USP34: variants seen among roughly 807,000 people sequenced by gnomAD.
The protein encoded by USP34 is ubiquitin specific peptidase 34, also known as ubiquitin carboxyl-terminal hydrolase 34.
USP34 carries 70 observed loss-of-function variants against 460.3 expected under a neutral mutation model. That is an observed-to-expected ratio of 0.15 (90% CI 0.13 to 0.19). USP34 has a LOEUF of 0.19. Among genes scored for constraint, USP34 ranks in the 10% least tolerant of loss-of-function variants. The probability of loss-of-function intolerance (pLI) is 1.00; values close to 1 mark genes in which losing one functional copy is unlikely to be tolerated. For missense variants in USP34, 3,985 were observed against 4,236.2 expected (o/e 0.94, Z 1.65); for synonymous variants, 1,647 against 1,405.3 (o/e 1.17, Z -3.85).
At chr2:61,416,039 A>G (rs1430630994) in intron 2 of USP34, among the ~76,000 whole-genome samples, 1 of 152,218 alleles carries the variant, frequency 6.6e-6, no homozygotes, top group Non-Finnish European at 1.5e-5. Context: ...AGTGGGTCCA[A>G]TATCATTTCC....
chr2:61,447,245 A>G (rs1244430593), intron 1 of USP34, among the ~76,000 whole-genome samples: 7 of 131,474 alleles, frequency 5.3e-5, no homozygotes, highest in Middle Eastern at 4.0e-3. Flanking sequence ...ACAGAGTGAA[A>G]CTGTCTTCCA....
intron 2 of USP34, chr2:61,417,187 G>C: frequency 7.0e-6 from 11 of 1,573,244 alleles, no homozygotes; most frequent in African/African-American, 1.3e-5. Flanking sequence ...TCACATGCCT[G>C]TTTGGACCCT....
chr2:61,404,927 A>G (rs1406542625), intron 3 of USP34, among the ~76,000 whole-genome samples: 1 of 152,128 alleles, frequency 6.6e-6, no homozygotes, highest in Non-Finnish European at 1.5e-5. Flanking sequence ...TTAACTTACA[A>G]AAGAAAATAC....
At position 61,333,884 on chromosome 2, in the gene USP34, T is replaced by G. The variant is rs774000169; in HGVS notation, c.2832A>C (p.Thr944=). 1 of 1,523,612 alleles carries G rather than the reference T, an allele frequency of 6.6e-7. No homozygotes were observed. Among genetic ancestry groups the G allele is most frequent in the Non-Finnish European group, 8.8e-7 (1 of 1,135,016 alleles). The allele number at this position is 1,523,612 out of a possible 1,614,324, so 94.4% of individuals were successfully genotyped here. The change falls in exon 19 of 80, where the codon ACA becomes ACC. Residue 944 remains threonine (T), a splice_region_variant and synonymous_variant. Transcript: ENST00000398571. ...ACTTTTTTCTTTTATTTACTTACAT[T>G]GTTATCCAGTGTGTATCGTAACTGC... ...FGSSYDTHWI[T]MWAEKELNMM...
chr2:61,260,627 A>G (rs1248722276), intron 43 of USP34, among the ~76,000 whole-genome samples: 1 of 152,220 alleles, frequency 6.6e-6, no homozygotes, highest in Non-Finnish European at 1.5e-5. Context: ...TATAATTACT[A>G]TAAAATTATA....
At chr2:61,289,278 G>T (rs571162945) in intron 33 of USP34, among the ~76,000 whole-genome samples, 1 of 152,098 alleles carries the variant, frequency 6.6e-6, no homozygotes, top group African/African-American at 2.4e-5. Flanking sequence ...TATATGCTGT[G>T]TCTCCCAACG....
At chr2:61,452,034 C>T (rs1049077723) in intron 1 of USP34, among the ~76,000 whole-genome samples, 65 of 151,748 alleles carry the variant, frequency 4.3e-4, no homozygotes, top group Non-Finnish European at 6.9e-4. Context: ...ATTAGCCGGG[C>T]GTGGTGGCGG....
intron 23 of USP34, among the ~76,000 whole-genome samples, chr2:61,315,947 T>C (rs1227021288): frequency 6.6e-6 from 1 of 151,490 alleles, no homozygotes; most frequent in East Asian, 1.9e-4. Context: ...CGCCTCTAAT[T>C]GCAGCACTTT....
intron 10 of USP34, among the ~76,000 whole-genome samples, chr2:61,369,407 G>A (rs1692540320): frequency 1.3e-5 from 2 of 152,152 alleles, no homozygotes; most frequent in Non-Finnish European, 2.9e-5. Flanking sequence ...CACACTGGGA[G>A]GCCGAGGTGG....
intron 58 of USP34, among the ~76,000 whole-genome samples, chr2:61,231,824 T>A (rs1298618661): frequency 2.7e-5 from 4 of 149,904 alleles, no homozygotes; most frequent in African/African-American, 7.3e-5. Flanking sequence ...AAAATATATA[T>A]ACATATATAT....
intron 62 of USP34, chr2:61,223,779 T>C (rs1176018503): frequency 6.5e-6 from 1 of 153,924 alleles, no homozygotes; most frequent in Non-Finnish European, 1.4e-5. Context: ...GCTCAGGGGA[T>C]CCTTCTATGT....
chr2:61,326,149 G>A (rs1691081721), intron 20 of USP34, among the ~76,000 whole-genome samples: 1 of 151,968 alleles, frequency 6.6e-6, no homozygotes, highest in Non-Finnish European at 1.5e-5. Context: ...GTGAGTGGGG[G>A]TGAGGGGACC....
At chr2:61,192,760 TTTCA>T (rs1686680100) in intron 76 of USP34, 137 bp downstream of exon 76, 2 of 589,170 alleles carry the variant, frequency 3.4e-6, no homozygotes, top group African/African-American at 1.9e-5. Flanking sequence ...TAGCTAGTAT[TTTCA>T]TTCATTCATA....
intron 10 of USP34, among the ~76,000 whole-genome samples, chr2:61,367,455 G>C (rs1055122771): frequency 6.6e-6 from 1 of 152,210 alleles, no homozygotes; most frequent in Admixed American, 6.5e-5. Flanking sequence ...TCCAGCCTAG[G>C]TGAGGGCTGG....
intron 1 of USP34, among the ~76,000 whole-genome samples, chr2:61,427,174 C>T (rs1694537247): frequency 6.6e-6 from 1 of 152,176 alleles, no homozygotes; most frequent in Non-Finnish European, 1.5e-5. Flanking sequence ...ACTACAGGTG[C>T]CCGCCACCAC....
In USP34 at chr2:61,293,556, G is replaced by C; in HGVS notation, c.4462-6C>G. ...AGCCCTCCAGCAGCAACAAACTGTA[G>C]GCAATTGTGAAAGTAATAGTAAGAG... On this transcript the variant is annotated splice_region_variant and splice_polypyrimidine_tract_variant and intron_variant, in intron 32 of 79. Transcript: ENST00000398571. 6.2e-7 allele frequency: 1 copy of C among 1,609,244 alleles called. No individual in the cohort carries two copies. The highest frequency in any genetic ancestry group is 8.5e-7 in the Non-Finnish European group (1 of 1,177,308).
At position 61,363,067 on chromosome 2, in the gene USP34, G is replaced by A. The variant is rs546942510; in HGVS notation, c.1251+7254C>T. ...AAAAGACATGAACAGACATTTCTCC[G>A]AAGCAAATATGCAAATAGCCAATGA... On this transcript the variant is annotated intron_variant, in intron 10 of 79. Transcript: ENST00000398571. Among the ~76,000 whole-genome samples the A allele has an allele frequency of 2.8e-4, 42 of 152,158 alleles. No homozygotes were observed. In the East Asian group the frequency reaches 3.9e-3, roughly 14 times the overall value.
chr2:61,356,881 A>G (rs1410667988), intron 10 of USP34, among the ~76,000 whole-genome samples: 2 of 152,242 alleles, frequency 1.3e-5, no homozygotes, highest in African/African-American at 4.8e-5. Context: ...ACCACAATTT[A>G]AAGTGTTTTC....
intron 43 of USP34, among the ~76,000 whole-genome samples, chr2:61,260,891 C>G (rs1688858432): frequency 6.6e-6 from 1 of 151,008 alleles, no homozygotes; most frequent in African/African-American, 2.5e-5. Flanking sequence ...TAAAGTCAAG[C>G]AACAACAAGG....
Sources: allele counts gnomAD v4.1 joint callset (sites outside exome capture counted in the v4.1 genomes callset), GRCh38; gene constraint gnomAD v4.1.1; transcripts MANE v1.5; gene names NCBI Gene and HGNC (gene_info 2026-07-23, HGNC 2026-07-21).